The following MCTP1 variants were observed in gnomAD, a reference collection of about 807,000 sequenced individuals.
The protein encoded by MCTP1 is multiple C2 and transmembrane domain-containing protein 1.
A neutral mutation model predicts 120.6 loss-of-function variants in MCTP1; 69 were observed. The observed-to-expected ratio is 0.57, with a 90% CI of 0.47 to 0.70. The LOEUF is 0.70. Among genes scored for constraint, MCTP1 ranks in the 30% least tolerant of loss-of-function variants. The pLI, the probability that MCTP1 is intolerant of heterozygous loss-of-function variation, is 0.00. For missense variants in MCTP1, 1,203 were observed against 1,248.8 expected (o/e 0.96, Z 0.55); for synonymous variants, 529 against 493.1 (o/e 1.07, Z -0.96).
chr5:94,727,105 A>C (rs66901899), intron 19 of MCTP1, among the ~76,000 whole-genome samples: 34,015 of 152,086 alleles, frequency 0.22, 3,915 homozygotes, highest in East Asian at 0.35. Context: ...AGAAAGAGAG[A>C]ATCACCATCC....
At position 95,284,651 on chromosome 5, in the gene MCTP1, T is replaced by G; in HGVS notation, c.-76A>C. 1 of 1,202,970 alleles carries G rather than the reference T, an allele frequency of 8.3e-7. No homozygotes were observed. The highest frequency in any genetic ancestry group is 1.1e-6 in the Non-Finnish European group (1 of 921,772). The allele number at this position is 1,202,970 out of a possible 1,614,324, so 74.5% of individuals were successfully genotyped here. ...CTTCTCCTCCCTCTTCGGCTGCACC[T>G]CCTCCCGGGTCCCCGCGGCGCTGGC... On this transcript the variant is annotated 5_prime_UTR_variant, in exon 1 of 23. Coordinates refer to ENST00000515393, the MANE Select transcript of MCTP1 (RefSeq NM_024717.7). This position sits in a 1 kb window ranked among gnomAD's most constrained non-coding sequence, Gnocchi z 5.2.
chr5:95,066,216 A>T (rs1447854287), intron 1 of MCTP1, among the ~76,000 whole-genome samples: 1 of 152,238 alleles, frequency 6.6e-6, no homozygotes, highest in Non-Finnish European at 1.5e-5. Flanking sequence ...CTTCCTGAAA[A>T]GACATAGAAA....
intron 1 of MCTP1, among the ~76,000 whole-genome samples, chr5:95,069,528 G>A (rs1247951772): frequency 5.3e-5 from 8 of 151,450 alleles, no homozygotes; most frequent in Admixed American, 5.3e-4. Flanking sequence ...TTACCCGCAA[G>A]GGTGCAGAAT....
chr5:95,231,583 T>C (rs73776326), intron 1 of MCTP1, among the ~76,000 whole-genome samples: 22,858 of 152,212 alleles, frequency 0.15, 1,874 homozygotes, highest in Non-Finnish European at 0.19. Context: ...AGTGATTCTA[T>C]ACCACAGCAC....
At chr5:95,209,660 G>C (rs1454715279) in intron 1 of MCTP1, among the ~76,000 whole-genome samples, 5 of 152,120 alleles carry the variant, frequency 3.3e-5, no homozygotes, top group African/African-American at 1.2e-4. Flanking sequence ...TTCACCAGTG[G>C]CTAAACTTTA....
At chr5:95,160,154 A>C (rs1270906413) in intron 1 of MCTP1, among the ~76,000 whole-genome samples, 2 of 152,208 alleles carry the variant, frequency 1.3e-5, no homozygotes, top group African/African-American at 4.8e-5. Context: ...TTTTGTAATC[A>C]AAGGAGTGAT....
At chr5:94,890,305 T>G (rs1418806294) in intron 11 of MCTP1, among the ~76,000 whole-genome samples, 1 of 152,226 alleles carries the variant, frequency 6.6e-6, no homozygotes, top group Non-Finnish European at 1.5e-5. Context: ...ACTTTCAGCC[T>G]AATTATCAAT....
intron 1 of MCTP1, among the ~76,000 whole-genome samples, chr5:95,232,188 T>TAAAAAA (rs1755037729): frequency 8.1e-6 from 1 of 122,882 alleles, no homozygotes; most frequent in Non-Finnish European, 1.7e-5. Flanking sequence ...CAGTCATAGC[T>TAAAAAA]AATAAACAAA....
intron 3 of MCTP1, among the ~76,000 whole-genome samples, chr5:94,950,907 A>C (rs1486444964): frequency 6.6e-6 from 1 of 150,840 alleles, no homozygotes; most frequent in Non-Finnish European, 1.5e-5. Flanking sequence ...AGATCGTGCC[A>C]CTGCACTCCA....
intron 5 of MCTP1, among the ~76,000 whole-genome samples, chr5:94,933,760 A>G (rs1035786259): frequency 2.6e-5 from 4 of 151,896 alleles, no homozygotes; most frequent in African/African-American, 9.7e-5. Flanking sequence ...ACACTAGCCA[A>G]TATTACAAGG....
chr5:94,959,584 A>C (rs1823607976), intron 2 of MCTP1, among the ~76,000 whole-genome samples: 1 of 152,242 alleles, frequency 6.6e-6, no homozygotes, highest in African/African-American at 2.4e-5. Context: ...CAGGATACAA[A>C]GTCAATGTGC....
chr5:94,877,973 T>A (rs1429146174), intron 12 of MCTP1, among the ~76,000 whole-genome samples: 1 of 152,136 alleles, frequency 6.6e-6, no homozygotes, highest in African/African-American at 2.4e-5. Flanking sequence ...TTTGTTGCCA[T>A]GTCTGAAAAC....
chr5:94,785,677 T>C (rs1427932023), intron 18 of MCTP1, among the ~76,000 whole-genome samples: 2 of 152,088 alleles, frequency 1.3e-5, no homozygotes, highest in South Asian at 2.1e-4. Context: ...AACCAATTTT[T>C]CCATTCCAGA....
At chr5:94,733,687 G>C (rs114313304) in intron 19 of MCTP1, among the ~76,000 whole-genome samples, 1 of 152,058 alleles carries the variant, frequency 6.6e-6, no homozygotes, top group Admixed American at 6.6e-5. Context: ...CAGTATGGCC[G>C]GGCACCAGTG....
At chr5:94,844,025 G>A (rs936361726) in intron 17 of MCTP1, among the ~76,000 whole-genome samples, 2 of 152,232 alleles carry the variant, frequency 1.3e-5, no homozygotes, top group South Asian at 2.1e-4. Context: ...ACCCTTGGCC[G>A]GGTGCGGTGG....
intron 17 of MCTP1, among the ~76,000 whole-genome samples, chr5:94,855,889 A>AT (rs1359255449): frequency 6.6e-6 from 1 of 151,202 alleles, no homozygotes; most frequent in Non-Finnish European, 1.5e-5. Context: ...ATAGAATGAT[A>AT]TTTTACATAA....
intron 1 of MCTP1, among the ~76,000 whole-genome samples, chr5:95,071,808 T>C (rs1752231489): frequency 6.6e-6 from 1 of 152,152 alleles, no homozygotes; most frequent in South Asian, 2.1e-4. Context: ...CTCACATGAA[T>C]GAGATTGTCT....
At chr5:95,198,124 T>TACAA (rs1750598274) in intron 1 of MCTP1, among the ~76,000 whole-genome samples, 1 of 152,124 alleles carries the variant, frequency 6.6e-6, no homozygotes, top group Non-Finnish European at 1.5e-5. Context: ...TATACATATA[T>TACAA]ATGTGTGTGT....
chr5:95,034,637 G>C (rs2151808214), intron 1 of MCTP1, among the ~76,000 whole-genome samples: 1 of 151,996 alleles, frequency 6.6e-6, no homozygotes, highest in South Asian at 2.1e-4. Context: ...GAAACCCTAG[G>C]AAAAACTGTT....
Sources: allele counts gnomAD v4.1 joint callset (sites outside exome capture counted in the v4.1 genomes callset), GRCh38; gene constraint gnomAD v4.1.1; non-coding constraint Gnocchi (gnomAD v3.1); transcripts MANE v1.5; gene names NCBI Gene and HGNC (gene_info 2026-07-23, HGNC 2026-07-21).